The following GRIK1 variants were observed in gnomAD, a reference collection of about 807,000 sequenced individuals.
GRIK1 encodes the protein glutamate ionotropic receptor kainate type subunit 1, also known as glutamate receptor ionotropic, kainate 1.
Under a neutral mutation model 105.7 loss-of-function variants are expected in GRIK1, and 69 were observed. That is an observed-to-expected ratio of 0.65 (90% CI 0.54 to 0.80). The LOEUF is 0.80. Among genes scored for constraint, GRIK1 ranks in the 30% least tolerant of loss-of-function variants. The pLI is 0.00. For synonymous variants in GRIK1, 438 were observed against 431.3 expected (o/e 1.02, Z -0.19); for missense variants, 1,109 against 1,167.3 (o/e 0.95, Z 0.73).
chr21:29,823,848 C>T (rs1022597907), intron 1 of GRIK1, among the ~76,000 whole-genome samples: 2 of 151,930 alleles, frequency 1.3e-5, no homozygotes, highest in Non-Finnish European at 2.9e-5. Flanking sequence ...CTCTCCCAAG[C>T]AGAATACATT....
chr21:29,875,758 G>A (rs1000063750), intron 1 of GRIK1, among the ~76,000 whole-genome samples: 1 of 152,134 alleles, frequency 6.6e-6, no homozygotes, highest in South Asian at 2.1e-4. Flanking sequence ...AAAGAAAACT[G>A]AATCTCAGAA....
At chr21:29,721,657 C>T (rs1569014501) in intron 1 of GRIK1, among the ~76,000 whole-genome samples, 1 of 151,850 alleles carries the variant, frequency 6.6e-6, no homozygotes, top group Non-Finnish European at 1.5e-5. Flanking sequence ...TATTATGTTC[C>T]CCAAGTTTAA....
chr21:29,752,240 G>A (rs2065225015), intron 1 of GRIK1, among the ~76,000 whole-genome samples: 1 of 152,156 alleles, frequency 6.6e-6, no homozygotes, highest in South Asian at 2.1e-4. Flanking sequence ...GAATGGGCTG[G>A]GACTTGCTTT....
At chr21:29,845,928 G>C (rs138965509) in intron 1 of GRIK1, among the ~76,000 whole-genome samples, 2 of 152,230 alleles carry the variant, frequency 1.3e-5, no homozygotes, top group Non-Finnish European at 2.9e-5. Context: ...TGTCACAGGG[G>C]AACATCTTGT....
chr21:29,847,614 C>G (rs1048292434), intron 1 of GRIK1, among the ~76,000 whole-genome samples: 1 of 151,986 alleles, frequency 6.6e-6, no homozygotes, highest in Non-Finnish European at 1.5e-5. Context: ...AACAAAAACA[C>G]GAAACTATTT....
At chr21:29,614,741 T>C (rs1471089552) in intron 7 of GRIK1, among the ~76,000 whole-genome samples, 1 of 151,398 alleles carries the variant, frequency 6.6e-6, no homozygotes, top group East Asian at 1.9e-4. Flanking sequence ...TATTTATGAC[T>C]TTTCCCTGCT....
chr21:29,682,892 T>C (rs73352562), intron 3 of GRIK1, among the ~76,000 whole-genome samples: 5,057 of 152,040 alleles, frequency 0.033, 273 homozygotes, highest in African/African-American at 0.11. Context: ...ATCCAACAAA[T>C]GTCTCATATT....
intron 1 of GRIK1, among the ~76,000 whole-genome samples, chr21:29,756,514 A>AG: frequency 6.6e-6 from 1 of 152,204 alleles, no homozygotes; most frequent in Non-Finnish European, 1.5e-5. Context: ...GCCACGTTAC[A>AG]GTGAGGAGCT....
intron 4 of GRIK1, among the ~76,000 whole-genome samples, chr21:29,672,513 C>T (rs2063177964): frequency 6.6e-6 from 1 of 152,110 alleles, no homozygotes; most frequent in African/African-American, 2.4e-5. Flanking sequence ...AAGAAAGAGG[C>T]ATCTTTTCTG....
intron 1 of GRIK1, among the ~76,000 whole-genome samples, chr21:29,811,943 T>C (rs2145893344): frequency 6.6e-6 from 1 of 152,252 alleles, no homozygotes; most frequent in South Asian, 2.1e-4. Context: ...TCTTACTATA[T>C]CAGGTCTCTG....
At chr21:29,710,859 C>T (rs1026680539) in intron 1 of GRIK1, among the ~76,000 whole-genome samples, 1 of 144,868 alleles carries the variant, frequency 6.9e-6, no homozygotes. Context: ...CCCTCCCTCC[C>T]TCTCTCCCTC....
chr21:29,771,826 G>C (rs1279079522), intron 1 of GRIK1, among the ~76,000 whole-genome samples: 1 of 152,176 alleles, frequency 6.6e-6, no homozygotes, highest in African/African-American at 2.4e-5. Flanking sequence ...AATAGCTGCT[G>C]TCTTAAGACT....
chr21:29,803,179 G>C (rs1465309202), intron 1 of GRIK1, among the ~76,000 whole-genome samples: 1 of 152,006 alleles, frequency 6.6e-6, no homozygotes, highest in Non-Finnish European at 1.5e-5. Flanking sequence ...CCTCCCGGCT[G>C]TTCCATGTTC....
At chr21:29,912,312 C>A (rs142275333) in intron 1 of GRIK1, among the ~76,000 whole-genome samples, 2 of 152,058 alleles carry the variant, frequency 1.3e-5, no homozygotes, top group Non-Finnish European at 2.9e-5. Flanking sequence ...ACATGCCAGC[C>A]GCTAGATAAC....
chr21:29,631,529 C>T (rs1181352485), intron 7 of GRIK1, among the ~76,000 whole-genome samples: 1 of 152,122 alleles, frequency 6.6e-6, no homozygotes, highest in Non-Finnish European at 1.5e-5. Flanking sequence ...AAATAAATGC[C>T]TTTTGTTTAA....
intron 1 of GRIK1, among the ~76,000 whole-genome samples, chr21:29,754,500 T>TAATTTCCTCACTTACGA (rs1410756596): frequency 3.3e-5 from 5 of 152,214 alleles, no homozygotes; most frequent in African/African-American, 9.6e-5. Context: ...CATGAAAGCA[T>TAATTTCCTCACTTACGA]AATTTCCTCA....
intron 1 of GRIK1, among the ~76,000 whole-genome samples, chr21:29,876,735 TA>T (rs1355138131): frequency 6.6e-6 from 1 of 152,188 alleles, no homozygotes; most frequent in Non-Finnish European, 1.5e-5. Context: ...AAGCGTGCTT[TA>T]TTTTTTTACA....
At chr21:29,563,363 T>G (rs2090531842) in intron 14 of GRIK1, among the ~76,000 whole-genome samples, 1 of 152,230 alleles carries the variant, frequency 6.6e-6, no homozygotes, top group South Asian at 2.1e-4. Context: ...GATGGCTTTA[T>G]TTCAGATTGT....
rs902372137 is a variant in GRIK1, at chr21:29,832,480, A to T, written c.118+106903T>A. ...CCAGGCATTTCCATACACCCTCTGA[A>T]ATCTAGGCAGAGGCTCTCAAGTCTC... is the stretch of plus-strand genomic sequence containing the variant. On this transcript the variant is annotated intron_variant, in intron 1 of 17. Transcript: ENST00000327783. Among the ~76,000 whole-genome samples the T allele has an allele frequency of 2.6e-5, 4 of 152,146 alleles. No homozygotes were observed. In the East Asian group the frequency reaches 7.7e-4, roughly 29 times the overall value.
Sources: allele counts gnomAD v4.1 joint callset (sites outside exome capture counted in the v4.1 genomes callset), GRCh38; gene constraint gnomAD v4.1.1; transcripts MANE v1.5; gene names NCBI Gene and HGNC (gene_info 2026-07-23, HGNC 2026-07-21).